SMARCA2: variants seen among roughly 807,000 people sequenced by gnomAD.
SMARCA2 encodes SWI/SNF-related matrix-associated actin-dependent regulator of chromatin subfamily A member 2.
Under a neutral mutation model 199.8 loss-of-function variants are expected in SMARCA2, and 61 were observed. That is an observed-to-expected ratio of 0.31 (90% CI 0.25 to 0.38). The LOEUF (loss-of-function observed/expected upper bound fraction) is 0.38, where lower values mean the gene tolerates loss of function less well. SMARCA2 is among the 10% of genes least tolerant of loss of function. The pLI, the probability that SMARCA2 is intolerant of heterozygous loss-of-function variation, is 1.00. For synonymous variants in SMARCA2, 935 were observed against 732.0 expected (o/e 1.28, Z -4.48); for missense variants, 1,344 against 2,012.2 (o/e 0.67, Z 6.35).
At chr9:2,160,087 T>C (rs1825583951) in intron 27 of SMARCA2, 1 of 750,618 alleles carries the variant, frequency 1.3e-6, no homozygotes, top group South Asian at 2.2e-5. Context: ...ATTATTAGCA[T>C]GTTCAGCCTC....
chr9:2,093,446 T>G (rs1188806010), intron 19 of SMARCA2, among the ~76,000 whole-genome samples: 1 of 152,118 alleles, frequency 6.6e-6, no homozygotes, highest in Non-Finnish European at 1.5e-5. Flanking sequence ...CTGTGTAGGT[T>G]ATCCCAGGGG....
At chr9:2,068,411 A>C (rs1314628697) in intron 9 of SMARCA2, among the ~76,000 whole-genome samples, 1 of 152,208 alleles carries the variant, frequency 6.6e-6, no homozygotes, top group Non-Finnish European at 1.5e-5. Flanking sequence ...GCATACATAC[A>C]TACATGTATT....
Position 2,039,581 on chromosome 9 carries a change from C to G in SMARCA2, c.471C>G (p.Ile157Met). Residue 157 changes from isoleucine to methionine, a missense_variant, in exon 4 of 34, where the codon ATC (isoleucine) becomes ATG (methionine). Physicochemically the swap from Ile to Met is conservative, Grantham distance 10. Coordinates refer to ENST00000349721, the MANE Select transcript of SMARCA2 (RefSeq NM_003070.5). The surrounding 1 kb of genome is among the most constrained non-coding windows in gnomAD (Gnocchi z 4.8). Reference protein sequence around the residue: ...QMPPSQPGALIPGDPQAMSQP... With the variant: ...QMPPSQPGALMPGDPQAMSQP... Reference sequence around the variant, plus strand: ...CACCAAGCCAGCCGGGGGCCCTCATCCCAGGTGATCCGCAGGCCATGAGCC... The same window carrying G: ...CACCAAGCCAGCCGGGGGCCCTCATGCCAGGTGATCCGCAGGCCATGAGCC... 3 of 1,614,216 alleles carry G rather than the reference C, an allele frequency of 1.9e-6. No homozygotes were observed. Among genetic ancestry groups the G allele is most frequent in the Middle Eastern group, 3.3e-4 (2 of 6,062 alleles).
chr9:2,038,619 C>A (rs1444634480), intron 3 of SMARCA2, among the ~76,000 whole-genome samples: 1 of 152,212 alleles, frequency 6.6e-6, no homozygotes. Context: ...AGTTTCTGCA[C>A]TGAATTAATC....
chr9:2,096,610 G>T (rs778340905), intron 19 of SMARCA2, 47 bp from the exon 20 acceptor site: 2 of 1,179,940 alleles, frequency 1.7e-6, no homozygotes, highest in East Asian at 2.3e-5. Context: ...TAGAACAGGC[G>T]CCTTCTCCTT....
intron 27 of SMARCA2, 148 bp downstream of exon 27, chr9:2,124,085 C>CTGCTGTTGCATAAAGTCATTG (rs1563784582): frequency 2.8e-6 from 2 of 703,734 alleles, no homozygotes; most frequent in Non-Finnish European, 5.0e-6. Flanking sequence ...TAAAGTCATT[C>CTGCTGTTGCATAAAGTCATTG]TGCTGTTGCA....
intron 4 of SMARCA2, chr9:2,042,077 G>A (rs994115928): frequency 2.0e-5 from 3 of 152,204 alleles, no homozygotes; most frequent in African/African-American, 7.2e-5. Flanking sequence ...CAAAGTCTGT[G>A]TACCAAGATG....
intron 14 of SMARCA2, among the ~76,000 whole-genome samples, chr9:2,081,259 G>T (rs1821555116): frequency 6.6e-6 from 1 of 152,110 alleles, no homozygotes; most frequent in Admixed American, 6.5e-5. Context: ...GTTTCCAGTT[G>T]CCAGCTTCCA....
At chr9:2,108,140 C>T (rs1183589706) in intron 23 of SMARCA2, among the ~76,000 whole-genome samples, 2 of 152,200 alleles carry the variant, frequency 1.3e-5, no homozygotes, top group African/African-American at 4.8e-5. Flanking sequence ...GGCTCTCCAA[C>T]ATCAAAAGGC....
Position 2,191,387 on chromosome 9 carries a change from C to G in SMARCA2, c.4716C>G (p.Ser1572Arg). 1 of 1,614,080 alleles carries G rather than the reference C, an allele frequency of 6.2e-7. No homozygotes were observed. Among genetic ancestry groups the G allele is most frequent in the Non-Finnish European group, 8.5e-7 (1 of 1,179,970 alleles). The change falls in exon 33 of 34, where the codon AGC becomes AGG. Residue 1572 changes from serine to arginine, a missense_variant. By Grantham distance (110) the Ser-to-Arg change is moderately radical. Transcript: ENST00000349721. ...AACCTGTAGTGAGCGATTTTGACAGCGATGAGGAGCAGGATGAACGTGTAA... is the reference window on the plus strand; with the variant it reads ...AACCTGTAGTGAGCGATTTTGACAGGGATGAGGAGCAGGATGAACGTGTAA... ...KAKPVVSDFD[S>R]DEEQDEREQS... is the part of the protein sequence containing the mutation.
chr9:2,033,980 C>A (rs990941322), intron 3 of SMARCA2, among the ~76,000 whole-genome samples: 2 of 152,172 alleles, frequency 1.3e-5, no homozygotes, highest in Non-Finnish European at 2.9e-5. Context: ...GGCCTGGTGG[C>A]TGAAGCCTGT....
rs369011425 is a variant in SMARCA2 at position 2,102,593 on chromosome 9, T to C, written c.3125+977T>C. ...GTTTTAATTGTATAACACAGTCCTG[T>C]TGATAAAAGAAAAAAATGGGTGAAC... On this transcript the variant is annotated intron_variant, in intron 22 of 33. Coordinates refer to ENST00000349721, the MANE Select transcript of SMARCA2 (RefSeq NM_003070.5). Among the ~76,000 whole-genome samples, 61 of 152,320 alleles carry C rather than the reference T, an allele frequency of 4.0e-4. No homozygotes were observed. In the East Asian group the frequency reaches 9.1e-3, roughly 23 times the overall value.
chr9:2,108,331 C>A (rs1174797900), intron 23 of SMARCA2, among the ~76,000 whole-genome samples: 1 of 152,174 alleles, frequency 6.6e-6, no homozygotes, highest in African/African-American at 2.4e-5. Context: ...AGCAGCAAGA[C>A]CTTCAGCTAC....
At chr9:2,070,887 AT>A (rs1339117379) in intron 10 of SMARCA2, among the ~76,000 whole-genome samples, 1 of 152,228 alleles carries the variant, frequency 6.6e-6, no homozygotes, top group African/African-American at 2.4e-5. Context: ...GAAGTCACAT[AT>A]TTGGTTAACT....
chr9:2,142,884 A>T (rs1018380154), intron 27 of SMARCA2, among the ~76,000 whole-genome samples: 2 of 152,108 alleles, frequency 1.3e-5, no homozygotes, highest in Non-Finnish European at 2.9e-5. Flanking sequence ...AACAATAAAG[A>T]CTTAATTGTA....
At chr9:2,111,581 C>T (rs1035810701) in intron 24 of SMARCA2, among the ~76,000 whole-genome samples, 3 of 152,012 alleles carry the variant, frequency 2.0e-5, no homozygotes, top group Non-Finnish European at 4.4e-5. Context: ...CTAGGCTCCT[C>T]GTTGAGCCCT....
chr9:2,180,088 G>A (rs1586802836), intron 29 of SMARCA2, among the ~76,000 whole-genome samples: 1 of 152,330 alleles, frequency 6.6e-6, no homozygotes, highest in Admixed American at 6.5e-5. Context: ...TCGAAGAGAT[G>A]TGAGGGGTAG....
In SMARCA2 at chr9:2,161,608, T is replaced by C. The variant is rs111356865; in HGVS notation, c.3982-78T>C. The C allele has an allele frequency of 3.3e-6, 3 of 908,630 alleles. No individual in the cohort carries two copies. The highest frequency in any genetic ancestry group is 3.4e-5 in the African/African-American group (2 of 59,436). 56.3% of individuals were successfully genotyped at this position (908,630 alleles called of 1,614,324 possible). A position where few individuals can be genotyped will look rare whatever the true frequency, so the allele number is the denominator to read the frequency against. On this transcript the variant is annotated intron_variant, in intron 27 of 33. Transcript: ENST00000349721. The surrounding 1 kb of genome is among the most constrained non-coding windows in gnomAD (Gnocchi z 4.7). ...CATTTTATTCTAATTGTTGGAGCTA[T>C]ATATAAATATACACATACTTTTTTT...
intron 9 of SMARCA2, 71 bp downstream of exon 9, chr9:2,061,057 C>A (rs977342626): frequency 7.2e-7 from 1 of 1,397,636 alleles, no homozygotes; most frequent in Admixed American, 2.1e-5. Context: ...GCGAGTATTG[C>A]TCTTTAAGTA....
Sources: allele counts gnomAD v4.1 joint callset (sites outside exome capture counted in the v4.1 genomes callset), GRCh38; gene constraint gnomAD v4.1.1; non-coding constraint Gnocchi (gnomAD v3.1); transcripts MANE v1.5; gene names NCBI Gene and HGNC (gene_info 2026-07-23, HGNC 2026-07-21).